Variants in PCDHA6 observed in about 807,000 individuals in gnomAD.
PCDHA6 encodes protocadherin alpha 6.
A neutral mutation model predicts 60.3 loss-of-function variants in PCDHA6; 55 were observed. The observed-to-expected ratio is 0.91, with a 90% CI of 0.73 to 1.14. The LOEUF is 1.14. Ranked by LOEUF, PCDHA6 falls within the 50% of genes most tolerant of loss-of-function variation. The pLI, the probability that PCDHA6 is intolerant of heterozygous loss-of-function variation, is 0.00. For synonymous variants in PCDHA6, 652 were observed against 557.9 expected, an observed-to-expected ratio of 1.17 and a Z score of -2.38; for missense variants, 1,327 against 1,256.5, an observed-to-expected ratio of 1.06 and a Z score of -0.85.
chr5:140,993,001 TC>T (rs1554253322), intron 3 of PCDHA6, among the ~76,000 whole-genome samples: 4 of 152,124 alleles, frequency 2.6e-5, no homozygotes, highest in Admixed American at 2.6e-4. Context: ...TGAAAGAGCC[TC>T]CCCAGAGTCC....
intron 3 of PCDHA6, among the ~76,000 whole-genome samples, chr5:140,984,583 T>C (rs2097109355): frequency 6.6e-6 from 1 of 152,200 alleles, no homozygotes; most frequent in South Asian, 2.1e-4. Context: ...AACCTAATCA[T>C]ACTTTTCAAT....
intron 1 of PCDHA6, chr5:140,877,170 G>A (rs782615376): frequency 6.2e-7 from 1 of 1,613,712 alleles, no homozygotes. Flanking sequence ...CGGCACTGCT[G>A]GCGACTCCGG....
intron 1 of PCDHA6, among the ~76,000 whole-genome samples, chr5:140,970,589 C>T (rs74994687): frequency 6.6e-6 from 1 of 152,198 alleles, no homozygotes; most frequent in East Asian, 1.9e-4. Flanking sequence ...CAGAGATATG[C>T]TTTGTGATAC....
At chr5:140,846,207 T>C (rs1310866622) in intron 1 of PCDHA6, among the ~76,000 whole-genome samples, 2 of 149,584 alleles carry the variant, frequency 1.3e-5, no homozygotes, top group Non-Finnish European at 3.0e-5. Context: ...GTATGAGATC[T>C]TTCCATTAAT....
intron 1 of PCDHA6, chr5:140,836,467 A>C (rs1271601760): frequency 6.2e-7 from 1 of 1,613,688 alleles, no homozygotes; most frequent in Non-Finnish European, 8.5e-7. Context: ...GAGCTGGTGG[A>C]TGTCAACGTG....
In PCDHA6 at chr5:140,858,203, C is replaced by T. The variant is rs781959847; in HGVS notation, c.2394+27718C>T. On this transcript the variant is annotated intron_variant, in intron 1 of 3. Coordinates refer to ENST00000529310, the MANE Select transcript of PCDHA6 (RefSeq NM_018909.4). The stretch of plus-strand genomic sequence containing the variant: ...GCTCACGCTGCTGCTGTACACTGCA[C>T]TGAGGTGCTCGGCGGCGCCCACCGA... The T allele has an allele frequency of 3.7e-5, 59 of 1,595,952 alleles. 8 individuals are homozygous for T. Among genetic ancestry groups the T allele is most frequent in the Non-Finnish European group, 4.8e-5 (56 of 1,166,554 alleles).
chr5:140,848,363 A>C, intron 1 of PCDHA6: 1 of 1,078,860 alleles, frequency 9.3e-7, no homozygotes, highest in Non-Finnish European at 1.4e-6. Flanking sequence ...CCCATGGGAA[A>C]GAGGCTCAAT....
chr5:140,980,021 A>C (rs1472439975), intron 2 of PCDHA6, among the ~76,000 whole-genome samples: 2 of 152,248 alleles, frequency 1.3e-5, no homozygotes. Context: ...AAATGAGCAG[A>C]AATCATTACA....
At chr5:140,852,245 A>G (rs2042277804) in intron 1 of PCDHA6, 6 of 557,120 alleles carry the variant, frequency 1.1e-5, no homozygotes, top group Non-Finnish European at 1.4e-5. Flanking sequence ...CTTAAAACAC[A>G]CTTTTGGAAT....
intron 1 of PCDHA6, among the ~76,000 whole-genome samples, chr5:140,974,825 A>G (rs2096642596): frequency 6.6e-6 from 1 of 152,198 alleles, no homozygotes; most frequent in Admixed American, 6.5e-5. Flanking sequence ...ATGCAACATA[A>G]TGATTATTTT....
intron 1 of PCDHA6, chr5:140,866,128 A>G (rs1022878402): frequency 6.6e-6 from 1 of 152,166 alleles, no homozygotes; most frequent in Non-Finnish European, 1.5e-5. Flanking sequence ...AGAACTACGT[A>G]TCTGTTGTTT....
chr5:140,831,844 G>T (rs2150197622), intron 1 of PCDHA6, among the ~76,000 whole-genome samples: 1 of 152,224 alleles, frequency 6.6e-6, no homozygotes, highest in South Asian at 2.1e-4. Flanking sequence ...TGATAGAATT[G>T]TCATAAAGCT....
intron 1 of PCDHA6, among the ~76,000 whole-genome samples, chr5:140,911,285 G>C (rs1292114305): frequency 6.6e-6 from 1 of 152,078 alleles, no homozygotes; most frequent in Non-Finnish European, 1.5e-5. Flanking sequence ...GCTTCATCAG[G>C]GTCCTTTTAC....
chr5:140,890,341 T>C (rs2062601372), intron 1 of PCDHA6, among the ~76,000 whole-genome samples: 1 of 152,190 alleles, frequency 6.6e-6, no homozygotes, highest in Non-Finnish European at 1.5e-5. Context: ...GTTGGGATGG[T>C]TTACTATATA....
Position 140,982,513 on chromosome 5 carries a change from G to A in PCDHA6, c.2492G>A (p.Gly831Asp). Residue 831 changes from glycine (G) to aspartate (D), a missense_variant, in exon 3 of 4, where the codon GGT (glycine) becomes GAT (aspartate). Transcript: ENST00000529310. ...HLEEAGILRA[G>D]PGGPDQQWPT... is the part of the protein sequence containing the mutation. ...GAGGAGGCTGGCATTCTACGGGCTGGTCCAGGAGGGCCTGATCAGCAGTGG... is the reference window on the plus strand; with the variant it reads ...GAGGAGGCTGGCATTCTACGGGCTGATCCAGGAGGGCCTGATCAGCAGTGG... The A allele has an allele frequency of 6.2e-7, 1 of 1,614,194 alleles. No individual in the cohort carries two copies. Among genetic ancestry groups the A allele is most frequent in the Non-Finnish European group, 8.5e-7 (1 of 1,180,032 alleles).
chr5:140,967,006 C>G, intron 1 of PCDHA6: 1 of 1,605,750 alleles, frequency 6.2e-7, no homozygotes, highest in Non-Finnish European at 8.5e-7. Flanking sequence ...TGCGCATCAA[C>G]CATCTGGGTG....
chr5:140,889,400 A>T (rs187751360), intron 1 of PCDHA6, among the ~76,000 whole-genome samples: 1 of 152,050 alleles, frequency 6.6e-6, no homozygotes, highest in Admixed American at 6.5e-5. Context: ...AGTTTAATTT[A>T]CTCGAGTCAG....
chr5:140,937,071 T>G (rs2091308048), intron 1 of PCDHA6, among the ~76,000 whole-genome samples: 1 of 147,932 alleles, frequency 6.8e-6, no homozygotes, highest in African/African-American at 2.5e-5. Context: ...GGAGTCTCGC[T>G]CTGTCGCCCA....
intron 1 of PCDHA6, chr5:140,835,766 G>C: frequency 6.2e-7 from 1 of 1,613,388 alleles, no homozygotes. Flanking sequence ...CCGAGTATAC[G>C]GTGTTCGTGA....
Sources: allele counts gnomAD v4.1 joint callset (sites outside exome capture counted in the v4.1 genomes callset), GRCh38; gene constraint gnomAD v4.1.1; transcripts MANE v1.5; gene names NCBI Gene and HGNC (gene_info 2026-07-23, HGNC 2026-07-21).